MYH7: variants seen among roughly 807,000 people sequenced by gnomAD.
MYH7 encodes the protein myosin heavy chain 7.
In MYH7, 129 loss-of-function variants were observed where a neutral mutation model predicts 225.4. That is an observed-to-expected ratio of 0.57 (90% CI 0.50 to 0.66). MYH7 has a LOEUF of 0.66. MYH7 is among the 30% of genes least tolerant of loss of function. The probability of loss-of-function intolerance (pLI) is 0.00; values close to 1 mark genes in which losing one functional copy is unlikely to be tolerated. For missense variants in MYH7, 1,649 were observed against 2,517.0 expected, an observed-to-expected ratio of 0.66 and a Z score of 7.38; for synonymous variants, 971 against 1,007.6, an observed-to-expected ratio of 0.96 and a Z score of 0.69.
chr14:23,428,428 G>A (rs1892783469), intron 15 of MYH7, 72 bp downstream of exon 15: 5 of 1,604,346 alleles, frequency 3.1e-6, no homozygotes, highest in Admixed American at 1.7e-5. Context: ...AAGGGAGAGG[G>A]GCTGCTATTT....
intron 15 of MYH7, among the ~76,000 whole-genome samples, chr14:23,428,209 T>A (rs1194682301): frequency 6.6e-6 from 1 of 152,186 alleles, no homozygotes; most frequent in African/African-American, 2.4e-5. Context: ...ACCCTCACAC[T>A]TCCTGATCCT....
At chr14:23,424,361 A>G (rs966720503) in intron 22 of MYH7, among the ~76,000 whole-genome samples, 2 of 152,160 alleles carry the variant, frequency 1.3e-5, no homozygotes, top group Non-Finnish European at 1.5e-5. Flanking sequence ...GGAACCAGAA[A>G]TCTTCATCTG....
intron 33 of MYH7, 105 bp from the exon 34 acceptor site, chr14:23,416,417 T>A: frequency 7.8e-7 from 1 of 1,280,378 alleles, no homozygotes; most frequent in Non-Finnish European, 1.1e-6. Flanking sequence ...AAGAGTGGTG[T>A]AAGTGGTTCA....
Position 23,418,226 on chromosome 14 carries a change from C to A in MYH7, c.4153G>T (p.Glu1385Ter). Reference sequence around the variant, plus strand: ...AGAACTCACTTGGCCTCCTCGAGCTCCTCAGTCCGCTGAATGGCGTCCGTC... The same window carrying A: ...AGAACTCACTTGGCCTCCTCGAGCTACTCAGTCCGCTGAATGGCGTCCGTC... Reference protein sequence around the residue: ...YETDAIQRTEELEEAKKKLAQ... With the variant: ...YETDAIQRTE The change falls in exon 30 of 40, where the codon GAG (glutamate) becomes TAG (stop). Residue 1385 changes from glutamate (E) to a stop codon, truncating the protein, a stop_gained. Transcript: ENST00000355349. LOFTEE classifies it high-confidence loss of function. The A allele has an allele frequency of 1.2e-6, 2 of 1,613,458 alleles. No individual in the cohort carries two copies. Among genetic ancestry groups the A allele is most frequent in the Non-Finnish European group, 1.7e-6 (2 of 1,180,038 alleles).
chr14:23,417,161 T>G lies in MYH7; in HGVS notation c.4511A>C (p.Asn1504Thr), dbSNP rs1892250074. 1.2e-6 allele frequency: 2 copies of G among 1,614,010 alleles called. No individual in the cohort carries two copies. The highest frequency in any genetic ancestry group is 1.7e-6 in the Non-Finnish European group (2 of 1,179,978). ...TTGGGCCCCCAGCACACCCTGCAGGTTTTTGTTCTCCCGCTTGAAGGTCTC... is the reference window on the plus strand; with the variant it reads ...TTGGGCCCCCAGCACACCCTGCAGGGTTTTGTTCTCCCGCTTGAAGGTCTC... ...HLETFKRENK[N>T]LQEEISDLTE... is the part of the protein sequence containing the mutation. The change falls in exon 32 of 40, where the codon AAC (asparagine) becomes ACC (threonine). Residue 1504 changes from asparagine to threonine, a missense_variant. By Grantham distance (65) the Asn-to-Thr change is moderately conservative. Around this residue, in one of 12 missense-constraint regions of MYH7, gnomAD observed 687 missense variants for 913.8 expected, o/e 0.75. Coordinates refer to ENST00000355349, the MANE Select transcript of MYH7 (RefSeq NM_000257.4).
chr14:23,417,818 T>C (rs886442422), intron 30 of MYH7, 132 bp from the exon 31 acceptor site: 23 of 1,277,436 alleles, frequency 1.8e-5, no homozygotes, highest in Admixed American at 1.3e-4. Flanking sequence ...TGAGGACAGG[T>C]CCCAGGGGCC....
rs773009513 is a variant in MYH7 at position 23,424,992 on chromosome 14, C to T, written c.2456G>A (p.Arg819Gln). The change falls in exon 22 of 40, where the codon CGG becomes CAG. Residue 819 changes from arginine to glutamine, a missense_variant. Arg to Gln is a conservative substitution (Grantham distance 43, BLOSUM62 1). Around this residue, in one of 12 missense-constraint regions of MYH7, gnomAD observed 10 missense variants for 35.5 expected, o/e 0.28. Coordinates refer to ENST00000355349, the MANE Select transcript of MYH7 (RefSeq NM_000257.4). ...DSLLVIQWNI[R>Q]AFMGVKNWPW... is the part of the protein sequence containing the mutation. ...CCAATTCTTGACCCCCATGAAGGCCCGAATGTTCCACTGGATTACCAGCAG... is the reference window on the plus strand; with the variant it reads ...CCAATTCTTGACCCCCATGAAGGCCTGAATGTTCCACTGGATTACCAGCAG... The T allele has an allele frequency of 6.2e-6, 10 of 1,614,062 alleles. No homozygotes were observed. Among genetic ancestry groups the T allele is most frequent in the South Asian group, 2.2e-5 (2 of 91,092 alleles).
rs903140820 is a variant in MYH7 at position 23,426,162 on chromosome 14, T to A, written c.2045-81A>T. The A allele has an allele frequency of 4.1e-6, 6 of 1,481,036 alleles. No individual in the cohort carries two copies. In the African/African-American group the frequency reaches 8.3e-5, roughly 21 times the overall value. The allele number at this position is 1,481,036 out of a possible 1,614,324, so 91.7% of individuals were successfully genotyped here. A position where few individuals can be genotyped will look rare whatever the true frequency, so the allele number is the denominator to read the frequency against. ...GTTCTGATCCTGGCTTTGTCACTGA[T>A]TAGCTTGTAATCTTAGCAAGTCAGT... On this transcript the variant is annotated intron_variant, in intron 18 of 39. Coordinates refer to ENST00000355349, the MANE Select transcript of MYH7 (RefSeq NM_000257.4).
chr14:23,412,964 T>TG, intron 39 of MYH7, 93 bp from the exon 40 acceptor site: 4 of 1,323,450 alleles, frequency 3.0e-6, no homozygotes, highest in South Asian at 1.2e-5. Context: ...GGTCTGATGG[T>TG]GGGGGGCCTG....
At chr14:23,413,621 C>A in intron 39 of MYH7, 138 bp downstream of exon 39, 15 of 1,035,208 alleles carry the variant, frequency 1.4e-5, no homozygotes, top group Non-Finnish European at 2.2e-5. Context: ...TCACAGAGAA[C>A]TGCATTACCT....
chr14:23,426,483 A>G (rs1892697254), intron 18 of MYH7, among the ~76,000 whole-genome samples: 1 of 152,202 alleles, frequency 6.6e-6, no homozygotes, highest in South Asian at 2.1e-4. Flanking sequence ...GTGGTTCTGC[A>G]GGTAAATTTA....
Position 23,431,271 on chromosome 14 carries a change from T to G in MYH7, c.796+147A>C. On this transcript the variant is annotated intron_variant, in intron 9 of 39. Transcript: ENST00000355349. ...AGGAAGTCTCAGAGAGAGACAGATA[T>G]GTAGACCTGAAGACAGAGACACCTA... The G allele has an allele frequency of 4.7e-6, 4 of 849,106 alleles. No individual in the cohort carries two copies. In the South Asian group the frequency reaches 5.4e-5, roughly 12 times the overall value. 52.6% of individuals were successfully genotyped at this position (849,106 alleles called of 1,614,324 possible).
rs780259714 is a variant in MYH7, at chr14:23,416,976, C to G, written c.4536G>C (p.Leu1512Phe). 1.9e-6 allele frequency: 3 copies of G among 1,614,226 alleles called. No individual in the cohort carries two copies. The highest frequency in any genetic ancestry group is 2.5e-6 in the Non-Finnish European group (3 of 1,180,046). The change falls in exon 33 of 40, where the codon TTG (leucine) becomes TTC (phenylalanine). Residue 1512 changes from leucine to phenylalanine, a missense_variant. Around this residue, in one of 12 missense-constraint regions of MYH7, gnomAD observed 687 missense variants for 913.8 expected, o/e 0.75. Transcript: ENST00000355349. ...NKNLQEEISDLTEQLGSSGKT... is the reference protein window; with the variant it reads ...NKNLQEEISDFTEQLGSSGKT... ...TTCCGCTGGAACCCAACTGCTCAGT[C>G]AAGTCGGAGATCTCCTCTGTGTGGG...
intron 24 of MYH7, 149 bp downstream of exon 24, chr14:23,423,398 A>C (rs1286653921): frequency 9.1e-7 from 1 of 1,100,360 alleles, no homozygotes; most frequent in East Asian, 2.4e-5. Context: ...AGAAAAGTTA[A>C]CATCCTCTAA....
chr14:23,429,743 G>C (rs771201247), intron 12 of MYH7, 32 bp downstream of exon 12: 8 of 1,608,974 alleles, frequency 5.0e-6, no homozygotes, highest in East Asian at 4.5e-5. Context: ...TCCATGACTT[G>C]ACAGCTGCCC....
intron 26 of MYH7, among the ~76,000 whole-genome samples, chr14:23,420,739 G>A (rs531897026): frequency 1.3e-5 from 2 of 152,302 alleles, no homozygotes; most frequent in Non-Finnish European, 2.9e-5. Flanking sequence ...AGGAAGCCAG[G>A]AATTCTGCCC....
intron 24 of MYH7, among the ~76,000 whole-genome samples, 175 bp downstream of exon 24, chr14:23,423,372 T>A (rs8019322): frequency 6.6e-6 from 1 of 151,114 alleles, no homozygotes; most frequent in Non-Finnish European, 1.5e-5. Context: ...CCCCAGCTCC[T>A]TTCTAGAAAG....
chr14:23,415,225 C>T lies in MYH7; in HGVS notation c.5329G>A (p.Ala1777Thr), dbSNP rs200939753. 167 of 1,614,120 alleles carry T rather than the reference C, an allele frequency of 1.0e-4. No homozygotes were observed. Among genetic ancestry groups the T allele is most frequent in the Non-Finnish European group, 1.4e-4 (163 of 1,180,060 alleles). The change falls in exon 37 of 40, where the codon GCC (alanine) becomes ACC (threonine). Residue 1777 changes from alanine to threonine, a missense_variant. Transcript: ENST00000355349. The surrounding 1 kb of genome is among the most constrained non-coding windows in gnomAD (Gnocchi z 6.3). ...EELKKEQDTS[A>T]HLERMKKNME... ...TTCTTCTTCATGCGCTCCAGGTGGG[C>T]GCTGGTGTCCTGCTCCTTCTTCAGC... is the stretch of plus-strand genomic sequence containing the variant.
chr14:23,417,860 G>A (rs1227492308), intron 30 of MYH7, 174 bp from the exon 31 acceptor site: 9 of 1,017,188 alleles, frequency 8.8e-6, no homozygotes, highest in Admixed American at 3.5e-5. Flanking sequence ...CCAGCAGGGC[G>A]TGGAGACCCA....
Sources: allele counts gnomAD v4.1 joint callset (sites outside exome capture counted in the v4.1 genomes callset), GRCh38; gene constraint gnomAD v4.1.1; regional missense constraint gnomAD v4.1.1; non-coding constraint Gnocchi (gnomAD v3.1); transcripts MANE v1.5; gene names NCBI Gene and HGNC (gene_info 2026-07-23, HGNC 2026-07-21).